Variants in TASOR observed in about 807,000 individuals in gnomAD.
TASOR encodes transcription activation suppressor.
A neutral mutation model predicts 178.6 loss-of-function variants in TASOR; 53 were observed. The observed-to-expected ratio is 0.30, with a 90% CI of 0.24 to 0.37. The LOEUF is 0.37. Ranked by LOEUF, TASOR falls within the 10% of genes least tolerant of loss-of-function variation. The pLI, the probability that TASOR is intolerant of heterozygous loss-of-function variation, is 1.00. For synonymous variants in TASOR, 713 were observed against 696.2 expected (o/e 1.02, Z -0.38); for missense variants, 1,815 against 1,971.4 (o/e 0.92, Z 1.50).
intron 1 of TASOR, among the ~76,000 whole-genome samples, chr3:56,682,393 C>A (rs1023467495): frequency 2.0e-5 from 3 of 152,084 alleles, no homozygotes; most frequent in African/African-American, 7.2e-5. Context: ...GGAGGGGCGC[C>A]GAGCACCATC....
In TASOR at chr3:56,660,988, A is replaced by G. The variant is rs763264767; in HGVS notation, c.1190T>C (p.Met397Thr). 14 of 1,606,190 alleles carry G rather than the reference A, an allele frequency of 8.7e-6. No individual in the cohort carries two copies. Among genetic ancestry groups the G allele is most frequent in the African/African-American group, 5.3e-5 (4 of 74,832 alleles). ...TTTCTGTTTCAGATGATCAATACTC[A>G]TAACTGTTTCAACATCTAATTTCTC... ...LPEKLDVETV[M>T]SIDHLKQKIP... Residue 397 changes from methionine (M) to threonine (T), a missense_variant, in exon 10 of 24, where the codon ATG (methionine) becomes ACG (threonine). By Grantham distance (81) the Met-to-Thr change is moderately conservative. This residue lies in a region of TASOR where 504 missense variants were observed against 645.3 expected (regional missense o/e 0.78). Transcript: ENST00000683822.
At chr3:56,666,439 A>C in intron 6 of TASOR, 55 bp from the exon 7 acceptor site, 1 of 1,301,994 alleles carries the variant, frequency 7.7e-7, no homozygotes, top group Non-Finnish European at 1.0e-6. Flanking sequence ...GTGAAACCTT[A>C]TATTTAACTG....
chr3:56,680,657 G>A (rs2031702474), intron 1 of TASOR, among the ~76,000 whole-genome samples: 1 of 151,732 alleles, frequency 6.6e-6, no homozygotes, highest in African/African-American at 2.4e-5. Flanking sequence ...AAAATTCATG[G>A]TGGTAAAATA....
chr3:56,649,589 C>T (rs1037540187), intron 11 of TASOR, among the ~76,000 whole-genome samples: 24 of 152,164 alleles, frequency 1.6e-4, no homozygotes, highest in African/African-American at 5.1e-4. Flanking sequence ...TCCTTGATCA[C>T]GAGAAGTTTA....
At chr3:56,670,219 T>G in intron 3 of TASOR, 74 bp from the exon 4 acceptor site, 1 of 929,692 alleles carries the variant, frequency 1.1e-6, no homozygotes, top group Non-Finnish European at 1.6e-6. Context: ...TTTTATAAAC[T>G]TGGTTTAAAT....
intron 1 of TASOR, among the ~76,000 whole-genome samples, chr3:56,681,173 CT>C (rs1298881700): frequency 1.3e-5 from 2 of 151,854 alleles, no homozygotes; most frequent in Admixed American, 1.3e-4. Flanking sequence ...TTTTATCAAG[CT>C]GTGAAGAAAA....
rs113439458 is a variant in TASOR at position 56,647,209 on chromosome 3, T to A, written c.1528A>T (p.Thr510Ser). 1.3e-6 allele frequency: 2 copies of A among 1,537,008 alleles called. No homozygotes were observed. Among genetic ancestry groups the A allele is most frequent in the Non-Finnish European group, 1.7e-6 (2 of 1,150,670 alleles). The change falls in exon 14 of 24, where the codon ACC (threonine) becomes TCC (serine). Residue 510 changes from threonine to serine, a missense_variant. By Grantham distance (58) the Thr-to-Ser change is moderately conservative. Transcript: ENST00000683822. ...RSIVTSQKGS[T>S]NAAPQERHES... ...TGCCTCTCCTGTGGTGCTGCATTGG[T>A]TGAACCTTTTTGTGCTGTAAATAAA...
chr3:56,624,874 T>A lies in TASOR; in HGVS notation c.4272A>T (p.Arg1424Ser). 2 of 1,614,184 alleles carry A rather than the reference T, an allele frequency of 1.2e-6. No homozygotes were observed. Among genetic ancestry groups the A allele is most frequent in the South Asian group, 2.2e-5 (2 of 91,084 alleles). ...GTTGCTGTATGTTCTGAGCCTGAAGTCTGATAAGGCAATCCAATTCTGGAG... is the reference window on the plus strand; with the variant it reads ...GTTGCTGTATGTTCTGAGCCTGAAGACTGATAAGGCAATCCAATTCTGGAG... ...RNAPELDCLI[R>S]LQAQNIQQRH... Residue 1424 changes from arginine (R) to serine (S), a missense_variant, in exon 22 of 24, where the codon AGA becomes AGT. Arg to Ser is a moderately radical substitution (Grantham distance 110). Around this residue, in one of 5 missense-constraint regions of TASOR, gnomAD observed 134 missense variants for 195.2 expected, o/e 0.69. Coordinates refer to ENST00000683822, the MANE Select transcript of TASOR (RefSeq NM_001365635.2).
Position 56,663,644 on chromosome 3 carries a change from T to C in TASOR, c.1023-72A>G, listed in dbSNP as rs1322641940. On this transcript the variant is annotated intron_variant, in intron 7 of 23. Transcript: ENST00000683822. ...TCATAAAAATTAACATGTAAGATGA[T>C]ATAAGTGCAATTTTTAATGGCATAC... 7.4e-6 allele frequency: 9 copies of C among 1,221,288 alleles called. No homozygotes were observed. In the Admixed American group the frequency reaches 1.2e-4, roughly 16 times the overall value. 75.7% of individuals were successfully genotyped at this position (1,221,288 alleles called of 1,614,324 possible).
At chr3:56,643,269 A>T (rs1220043464) in intron 14 of TASOR, among the ~76,000 whole-genome samples, 2 of 152,086 alleles carry the variant, frequency 1.3e-5, no homozygotes, top group Non-Finnish European at 2.9e-5. Context: ...TCTTAAAAAA[A>T]AAAAAAAGTT....
chr3:56,678,416 C>T (rs938382852), intron 1 of TASOR, among the ~76,000 whole-genome samples: 8 of 151,622 alleles, frequency 5.3e-5, no homozygotes. Flanking sequence ...CTCCTGACCT[C>T]GTGATTCGCC....
intron 13 of TASOR, among the ~76,000 whole-genome samples, chr3:56,647,546 T>A (rs867909354): frequency 6.6e-6 from 1 of 152,192 alleles, no homozygotes; most frequent in Admixed American, 6.5e-5. Context: ...AAGCAATATG[T>A]AAGAAGAAAC....
intron 17 of TASOR, among the ~76,000 whole-genome samples, chr3:56,636,060 T>G (rs2077009227): frequency 6.6e-6 from 1 of 152,078 alleles, no homozygotes; most frequent in Non-Finnish European, 1.5e-5. Flanking sequence ...TCCCAGCACT[T>G]TGGGAGGCCA....
intron 11 of TASOR, among the ~76,000 whole-genome samples, chr3:56,652,097 C>A (rs2077364145): frequency 6.6e-6 from 1 of 152,122 alleles, no homozygotes; most frequent in African/African-American, 2.4e-5. Flanking sequence ...ATATTCTTGA[C>A]TCTATTTATA....
chr3:56,621,338 A>C lies in TASOR; in HGVS notation c.*1699T>G, dbSNP rs946669261. ...ATCCCTATTGATTTTTATGCTAAAA[A>C]CAGAATCTTACAAATGTGATAGCTA... On this transcript the variant is annotated 3_prime_UTR_variant, in exon 24 of 24. Transcript: ENST00000683822. 1 of 396,554 alleles carries C rather than the reference A, an allele frequency of 2.5e-6. No individual in the cohort carries two copies. The highest frequency in any genetic ancestry group is 4.5e-6 in the Non-Finnish European group (1 of 221,614). 24.6% of individuals were successfully genotyped at this position (396,554 alleles called of 1,614,324 possible).
chr3:56,648,324 T>G (rs528273338), intron 13 of TASOR, among the ~76,000 whole-genome samples: 1 of 150,522 alleles, frequency 6.6e-6, no homozygotes, highest in South Asian at 2.1e-4. Context: ...AAATTAATTT[T>G]TCATAGTTAA....
Position 56,627,104 on chromosome 3 carries a change from T to A in TASOR, c.4072A>T (p.Thr1358Ser). The change falls in exon 21 of 24, where the codon ACT becomes TCT. Residue 1358 changes from threonine (T) to serine (S), a missense_variant. Thr to Ser is a moderately conservative substitution (Grantham distance 58). This residue lies in a region of TASOR where 134 missense variants were observed against 195.2 expected (regional missense o/e 0.69). Coordinates refer to ENST00000683822, the MANE Select transcript of TASOR (RefSeq NM_001365635.2). ...NFLTFLEELS[T>S]PEGKWQWKVH... The stretch of plus-strand genomic sequence containing the variant: ...TTCCATTGCCATTTTCCTTCTGGAG[T>A]ACTAAGTTCCTCAAGGAATGTCAAA... 1 of 1,612,644 alleles carries A rather than the reference T, an allele frequency of 6.2e-7. No individual in the cohort carries two copies.
rs956267437 is a variant in TASOR at position 56,638,804 on chromosome 3, G to A, written c.2765-39C>T. 3.1e-6 allele frequency: 5 copies of A among 1,597,054 alleles called. No individual in the cohort carries two copies. In the African/African-American group the frequency reaches 6.7e-5, roughly 21 times the overall value. On this transcript the variant is annotated intron_variant, in intron 16 of 23. Coordinates refer to ENST00000683822, the MANE Select transcript of TASOR (RefSeq NM_001365635.2). ...TCCATTAGACTCTCTTCAGACATTA[G>A]TGATACCTACACTAAGCACCTTTCA...
At position 56,620,799 on chromosome 3, in the gene TASOR, GTTAT is replaced by G. The variant is rs372683234; in HGVS notation, c.*2234_*2237del. The G allele has an allele frequency of 5.3e-5, 8 of 152,348 alleles. No individual in the cohort carries two copies. Among genetic ancestry groups the G allele is most frequent in the African/African-American group, 1.9e-4 (8 of 41,576 alleles). The allele number at this position is 152,348 out of a possible 1,614,324, so 9.4% of individuals were successfully genotyped here. A position where few individuals can be genotyped will look rare whatever the true frequency, so the allele number is the denominator to read the frequency against. On this transcript the variant is annotated 3_prime_UTR_variant, in exon 24 of 24. Coordinates refer to ENST00000683822, the MANE Select transcript of TASOR (RefSeq NM_001365635.2). The stretch of plus-strand genomic sequence containing the variant: ...TTTACCCATCAATATAGCACCCAGT[GTTAT>G]TTCAGCAGGACCCTTCTGTTAGCAT...
Sources: gnomAD v4.1 joint callset for allele counts (sites outside exome capture counted in the v4.1 genomes callset) on GRCh38, gnomAD v4.1.1 for gene constraint, gnomAD v4.1.1 regional missense constraint, MANE v1.5 for transcripts, NCBI Gene and HGNC (gene_info 2026-07-23, HGNC 2026-07-21) for gene names.